Variants in PDE4D observed in about 807,000 individuals in gnomAD.
PDE4D encodes 3',5'-cyclic-AMP phosphodiesterase 4D.
PDE4D carries 24 observed loss-of-function variants against 87.4 expected under a neutral mutation model. That is an observed-to-expected ratio of 0.27 (90% CI 0.20 to 0.39). The LOEUF (loss-of-function observed/expected upper bound fraction) is 0.39. Among genes scored for constraint, PDE4D ranks in the 10% least tolerant of loss-of-function variants. The pLI is 1.00. For missense variants in PDE4D, 714 were observed against 1,041.0 expected (o/e 0.69, Z 4.32); for synonymous variants, 384 against 383.2 (o/e 1.00, Z -0.02).
chr5:59,101,850 A>G lies in PDE4D; in HGVS notation c.809-62879T>C, dbSNP rs143733754. The stretch of plus-strand genomic sequence containing the variant: ...TAATAAGATATTTCAATTAGACGAC[A>G]AAGTCAGCCATAGGACACAGTACCA... On this transcript the variant is annotated intron_variant, in intron 5 of 14. Transcript: ENST00000340635. 7.8e-3 allele frequency among the ~76,000 whole-genome samples: 1,181 copies of G among 152,258 alleles called. 6 individuals carry two copies. Among genetic ancestry groups the G allele is most frequent in the Non-Finnish European group, 0.012 (837 of 68,024 alleles).
At chr5:60,389,532 T>G (rs538627655) in intron 1 of PDE4D, among the ~76,000 whole-genome samples, 1 of 152,306 alleles carries the variant, frequency 6.6e-6, no homozygotes, top group Non-Finnish European at 1.5e-5. Context: ...ACTTAGTAGC[T>G]GAAAGTAACA....
intron 1 of PDE4D, among the ~76,000 whole-genome samples, chr5:60,451,355 A>C (rs901762502): frequency 6.6e-6 from 1 of 152,078 alleles, no homozygotes; most frequent in Non-Finnish European, 1.5e-5. Flanking sequence ...CCATCAGCTC[A>C]AACATTTATC....
At chr5:59,163,405 G>A (rs1429276362) in intron 5 of PDE4D, among the ~76,000 whole-genome samples, 2 of 151,754 alleles carry the variant, frequency 1.3e-5, no homozygotes, top group African/African-American at 2.4e-5. Context: ...CCGAGTAGCC[G>A]GGATTACAGG....
chr5:59,221,776 T>C (rs950443741), intron 1 of PDE4D, among the ~76,000 whole-genome samples: 1 of 152,160 alleles, frequency 6.6e-6, no homozygotes, highest in Non-Finnish European at 1.5e-5. Context: ...GAGATTTCAT[T>C]TGGAATTAAG....
intron 1 of PDE4D, among the ~76,000 whole-genome samples, chr5:59,730,200 A>G (rs546137676): frequency 6.6e-6 from 1 of 152,250 alleles, no homozygotes; most frequent in African/African-American, 2.4e-5. Flanking sequence ...GGAATGGGGA[A>G]GAAAGAAGTC....
chr5:59,803,479 A>T (rs1004244603), intron 1 of PDE4D, among the ~76,000 whole-genome samples: 8 of 151,932 alleles, frequency 5.3e-5, no homozygotes, highest in African/African-American at 1.9e-4. Flanking sequence ...TTGTATTTTT[A>T]GTAGAGAAGG....
At chr5:59,550,031 G>A (rs185911165) in intron 1 of PDE4D, among the ~76,000 whole-genome samples, 1 of 151,862 alleles carries the variant, frequency 6.6e-6, no homozygotes, top group African/African-American at 2.4e-5. Context: ...TAATCTATGT[G>A]CTGAAAACCA....
At chr5:59,268,804 A>G (rs1406026824) in intron 1 of PDE4D, among the ~76,000 whole-genome samples, 2 of 152,058 alleles carry the variant, frequency 1.3e-5, no homozygotes, top group African/African-American at 4.8e-5. Flanking sequence ...ATCGCTCAGC[A>G]TCTTTCCCTA....
intron 2 of PDE4D, among the ~76,000 whole-genome samples, chr5:60,017,377 G>T (rs1238356676): frequency 6.6e-6 from 1 of 152,062 alleles, no homozygotes; most frequent in African/African-American, 2.4e-5. Flanking sequence ...GTGGTTTGTT[G>T]CACCTATCAA....
intron 1 of PDE4D, among the ~76,000 whole-genome samples, chr5:59,875,352 T>A (rs181827549): frequency 6.7e-6 from 1 of 148,482 alleles, no homozygotes; most frequent in Non-Finnish European, 1.5e-5. Flanking sequence ...TCCCAGCTAC[T>A]CGGGAGGCTG....
At chr5:59,292,817 A>G (rs1456775101) in intron 1 of PDE4D, among the ~76,000 whole-genome samples, 5 of 152,138 alleles carry the variant, frequency 3.3e-5, no homozygotes, top group Admixed American at 2.6e-4. Context: ...AGTGCCTGGT[A>G]TGGACCACAG....
intron 5 of PDE4D, among the ~76,000 whole-genome samples, chr5:59,144,395 G>T (rs575607099): frequency 6.6e-6 from 1 of 152,080 alleles, no homozygotes; most frequent in African/African-American, 2.4e-5. Flanking sequence ...GATTTTTCCA[G>T]AATAACTAAA....
chr5:60,102,305 G>A (rs1776298619), intron 2 of PDE4D, among the ~76,000 whole-genome samples: 1 of 151,694 alleles, frequency 6.6e-6, no homozygotes, highest in Non-Finnish European at 1.5e-5. Flanking sequence ...GTGCAGATTT[G>A]TTACATGGGA....
intron 1 of PDE4D, among the ~76,000 whole-genome samples, chr5:59,477,895 C>T (rs1213870276): frequency 6.6e-6 from 1 of 152,094 alleles, no homozygotes; most frequent in Non-Finnish European, 1.5e-5. Context: ...TCTGCAGCAA[C>T]ATGGATGCAA....
intron 1 of PDE4D, among the ~76,000 whole-genome samples, chr5:59,635,349 A>G (rs1832098425): frequency 6.6e-6 from 1 of 152,192 alleles, no homozygotes; most frequent in Non-Finnish European, 1.5e-5. Flanking sequence ...AACTATTCCA[A>G]TCAATAGAAA....
chr5:60,224,743 C>T (rs1744887195), intron 1 of PDE4D, among the ~76,000 whole-genome samples: 1 of 152,044 alleles, frequency 6.6e-6, no homozygotes, highest in Non-Finnish European at 1.5e-5. Flanking sequence ...ATTTATGCTG[C>T]ATTCTATTCA....
intron 1 of PDE4D, among the ~76,000 whole-genome samples, chr5:59,619,496 A>G (rs1391323234): frequency 6.6e-6 from 1 of 152,214 alleles, no homozygotes; most frequent in Non-Finnish European, 1.5e-5. Context: ...TCTGATTCAG[A>G]TGATCGAGCA....
intron 5 of PDE4D, among the ~76,000 whole-genome samples, chr5:59,101,962 T>C (rs1770806398): frequency 6.6e-6 from 1 of 152,140 alleles, no homozygotes; most frequent in Non-Finnish European, 1.5e-5. Flanking sequence ...GAATCCTTCC[T>C]TCAACTGTGC....
chr5:59,836,667 A>AT (rs1364723431), intron 1 of PDE4D, among the ~76,000 whole-genome samples: 9 of 149,440 alleles, frequency 6.0e-5, no homozygotes, highest in South Asian at 4.2e-4. Context: ...TCATCTATCT[A>AT]CCTATCTATC....
Sources: allele counts gnomAD v4.1 joint callset (sites outside exome capture counted in the v4.1 genomes callset), GRCh38; gene constraint gnomAD v4.1.1; transcripts MANE v1.5; gene names NCBI Gene and HGNC (gene_info 2026-07-23, HGNC 2026-07-21).